Variants in EPRS1 observed in about 807,000 individuals in gnomAD.
The protein encoded by EPRS1 is glutamyl-prolyl-tRNA synthetase 1.
EPRS1 carries 107 observed loss-of-function variants against 188.3 expected under a neutral mutation model. The observed-to-expected ratio is 0.57, with a 90% CI of 0.49 to 0.67. EPRS1 has a LOEUF of 0.67. Ranked by LOEUF, EPRS1 falls within the 30% of genes least tolerant of loss-of-function variation. EPRS1 has a pLI of 0.00. For synonymous variants in EPRS1, 596 were observed against 593.1 expected (o/e 1.00, Z -0.07); for missense variants, 1,577 against 1,802.2 (o/e 0.88, Z 2.26).
chr1:219,972,653 C>T (rs1660691400), intron 29 of EPRS1, among the ~76,000 whole-genome samples: 1 of 152,172 alleles, frequency 6.6e-6, no homozygotes, highest in South Asian at 2.1e-4. Flanking sequence ...AAACAGGGTG[C>T]CACGCTAAGC....
rs996373362 is a variant in EPRS1, at chr1:220,022,446, C to T, written c.1016G>A (p.Arg339Gln). ...GTTACTACTCATGTCAATTTTTGCT[C>T]GCAAACAACAGGACTGACCAAACTG... ...GSQFGQSCCL[R>Q]AKIDMSSNNG... Residue 339 changes from arginine to glutamine, a missense_variant, in exon 9 of 32, where the codon CGA (arginine) becomes CAA (glutamine). Physicochemically the swap from Arg to Gln is conservative, Grantham distance 43. Coordinates refer to ENST00000366923, the MANE Select transcript of EPRS1 (RefSeq NM_004446.3). 3.7e-6 allele frequency: 6 copies of T among 1,613,962 alleles called. No individual in the cohort carries two copies. The highest frequency in any genetic ancestry group is 1.1e-5 in the South Asian group (1 of 91,078).
At chr1:220,034,495 A>C (rs959367274) in intron 3 of EPRS1, among the ~76,000 whole-genome samples, 2 of 152,226 alleles carry the variant, frequency 1.3e-5, no homozygotes, top group Non-Finnish European at 2.9e-5. Context: ...TAATTAATTA[A>C]ACAAGGCATA....
intron 12 of EPRS1, 37 bp downstream of exon 12, chr1:220,018,412 A>C (rs772056009): frequency 6.7e-7 from 1 of 1,486,146 alleles, no homozygotes; most frequent in South Asian, 1.1e-5. Flanking sequence ...TTGGGACTTA[A>C]GCATGAGAAA....
chr1:220,009,882 C>A (rs1240572669), intron 13 of EPRS1, among the ~76,000 whole-genome samples: 1 of 151,692 alleles, frequency 6.6e-6, no homozygotes. Context: ...TCATTTGAGG[C>A]CAGGAGTTCA....
At chr1:220,038,302 G>A (rs899069280) in intron 2 of EPRS1, among the ~76,000 whole-genome samples, 3 of 151,480 alleles carry the variant, frequency 2.0e-5, no homozygotes, top group South Asian at 2.1e-4. Flanking sequence ...GGCTGGTCTC[G>A]AACTCCTGAC....
chr1:219,989,327 CACTT>C (rs1351550942), intron 18 of EPRS1, among the ~76,000 whole-genome samples: 1 of 151,718 alleles, frequency 6.6e-6, no homozygotes, highest in Non-Finnish European at 1.5e-5. Context: ...AGTTTTTAGA[CACTT>C]ACCTATATAT....
intron 2 of EPRS1, 53 bp from the exon 3 acceptor site, chr1:220,035,066 G>T: frequency 2.4e-6 from 2 of 829,874 alleles, no homozygotes; most frequent in Non-Finnish European, 3.9e-6. Flanking sequence ...AAATCAGTAA[G>T]TCATGAGACT....
At position 220,018,516 on chromosome 1, in the gene EPRS1, A is replaced by T. The variant is rs1661788552; in HGVS notation, c.1435-8T>A. 1 of 1,600,666 alleles carries T rather than the reference A, an allele frequency of 6.2e-7. No homozygotes were observed. The highest frequency in any genetic ancestry group is 1.3e-5 in the African/African-American group (1 of 74,598). On this transcript the variant is annotated splice_polypyrimidine_tract_variant and splice_region_variant and intron_variant, in intron 11 of 31. Coordinates refer to ENST00000366923, the MANE Select transcript of EPRS1 (RefSeq NM_004446.3). ...GACTGAACGTGAGGAGCCCTAAAAA[A>T]CAATAACAACATGATTTTAAGGGCA...
At chr1:220,026,392 G>T (rs1198744654) in intron 6 of EPRS1, among the ~76,000 whole-genome samples, 1 of 152,102 alleles carries the variant, frequency 6.6e-6, no homozygotes, top group Non-Finnish European at 1.5e-5. Flanking sequence ...AAGAAAATAT[G>T]TTACACCACT....
intron 18 of EPRS1, among the ~76,000 whole-genome samples, chr1:219,994,521 A>C (rs565253126): frequency 6.6e-6 from 1 of 152,166 alleles, no homozygotes; most frequent in Non-Finnish European, 1.5e-5. Flanking sequence ...TTTAAAAAGA[A>C]AAGACAAAAT....
intron 20 of EPRS1, among the ~76,000 whole-genome samples, chr1:219,984,705 G>A (rs1660970394): frequency 6.6e-6 from 1 of 151,658 alleles, no homozygotes; most frequent in East Asian, 2.0e-4. Context: ...TTACAGGCAT[G>A]AGCCACCATG....
intron 18 of EPRS1, among the ~76,000 whole-genome samples, chr1:219,989,333 C>G (rs1399639449): frequency 1.3e-5 from 2 of 151,428 alleles, no homozygotes; most frequent in Non-Finnish European, 2.9e-5. Context: ...TAGACACTTA[C>G]CTATATATTT....
intron 8 of EPRS1, among the ~76,000 whole-genome samples, chr1:220,023,285 T>G (rs531495573): frequency 9.8e-5 from 15 of 152,318 alleles, no homozygotes; most frequent in African/African-American, 3.6e-4. Flanking sequence ...TGTAAGACAC[T>G]TGCCCTCAAA....
intron 1 of EPRS1, among the ~76,000 whole-genome samples, chr1:220,044,680 C>T (rs1227447485): frequency 4.2e-5 from 2 of 48,114 alleles, no homozygotes; most frequent in African/African-American, 2.9e-4. Flanking sequence ...AGCTCGGTCT[C>T]CAAAAAAAAA....
intron 1 of EPRS1, among the ~76,000 whole-genome samples, chr1:220,044,681 C>CAAAAAAAAAAAAAAAAAAAAAAA (rs71560597): frequency 9.1e-5 from 8 of 88,344 alleles, no homozygotes; most frequent in African/African-American, 2.9e-4. Flanking sequence ...GCTCGGTCTC[C>CAAAAAAAAAAAAAAAAAAAAAAA]AAAAAAAAAA....
At chr1:220,028,995 C>T (rs1662037858) in intron 6 of EPRS1, among the ~76,000 whole-genome samples, 1 of 152,102 alleles carries the variant, frequency 6.6e-6, no homozygotes, top group South Asian at 2.1e-4. Flanking sequence ...ATATATTATA[C>T]TGTAAATATA....
intron 17 of EPRS1, among the ~76,000 whole-genome samples, chr1:219,999,319 A>T (rs972293507): frequency 1.3e-5 from 2 of 152,138 alleles, no homozygotes; most frequent in African/African-American, 4.8e-5. Context: ...TTGAATTTCT[A>T]TTCAAAAGTG....
chr1:219,974,068 C>T (rs550333696), intron 28 of EPRS1, among the ~76,000 whole-genome samples: 8 of 152,140 alleles, frequency 5.3e-5, no homozygotes, highest in Non-Finnish European at 8.8e-5. Context: ...CTCAGCCTCC[C>T]GAGTAGCTGG....
At chr1:220,043,509 A>G (rs1662338176) in intron 1 of EPRS1, among the ~76,000 whole-genome samples, 1 of 152,224 alleles carries the variant, frequency 6.6e-6, no homozygotes, top group Admixed American at 6.5e-5. Flanking sequence ...TTAGGCAGGA[A>G]GTATCAATGG....
Sources: allele counts gnomAD v4.1 joint callset (sites outside exome capture counted in the v4.1 genomes callset), GRCh38; gene constraint gnomAD v4.1.1; transcripts MANE v1.5; gene names NCBI Gene and HGNC (gene_info 2026-07-23, HGNC 2026-07-21).